Variants in DLGAP2 observed in about 807,000 individuals in gnomAD.
The protein encoded by DLGAP2 is DLG associated protein 2, also known as disks large-associated protein 2.
A neutral mutation model predicts 100.3 loss-of-function variants in DLGAP2; 26 were observed. That is an observed-to-expected ratio of 0.26 (90% confidence interval 0.19 to 0.36). The LOEUF (loss-of-function observed/expected upper bound fraction) is 0.36. Ranked by LOEUF, DLGAP2 falls within the 10% of genes least tolerant of loss-of-function variation. The pLI is 1.00. For missense variants in DLGAP2, 1,858 were observed against 1,453.2 expected (o/e 1.28, Z -4.53); for synonymous variants, 886 against 630.1 (o/e 1.41, Z -6.08).
chr8:1,116,191 G>C (rs1394907953), intron 2 of DLGAP2, among the ~76,000 whole-genome samples: 1 of 152,190 alleles, frequency 6.6e-6, no homozygotes, highest in African/African-American at 2.4e-5. Flanking sequence ...CACCCGCACT[G>C]GCCTTCCGTG....
At chr8:1,052,287 A>G (rs1175137089) in intron 2 of DLGAP2, among the ~76,000 whole-genome samples, 2 of 152,074 alleles carry the variant, frequency 1.3e-5, no homozygotes, top group Non-Finnish European at 2.9e-5. Flanking sequence ...CCTCCTTTCT[A>G]CAAACTCTGA....
chr8:1,524,011 T>G (rs557222053), intron 4 of DLGAP2, among the ~76,000 whole-genome samples: 1 of 152,302 alleles, frequency 6.6e-6, no homozygotes, highest in Non-Finnish European at 1.5e-5. Context: ...CGGCATCAGA[T>G]CAGCTGTGCT....
At chr8:1,012,235 A>G (rs1801310737) in intron 2 of DLGAP2, among the ~76,000 whole-genome samples, 1 of 152,096 alleles carries the variant, frequency 6.6e-6, no homozygotes, top group Admixed American at 6.5e-5. Context: ...GCTGACTTCC[A>G]TCTTTGACAG....
At chr8:1,475,418 A>G (rs1445258648) in intron 3 of DLGAP2, among the ~76,000 whole-genome samples, 1 of 152,212 alleles carries the variant, frequency 6.6e-6, no homozygotes, top group Non-Finnish European at 1.5e-5. Context: ...ATCCCCCTGA[A>G]GTGCCCTAGG....
At chr8:883,917 T>C (rs531906329) in intron 1 of DLGAP2, among the ~76,000 whole-genome samples, 1 of 152,238 alleles carries the variant, frequency 6.6e-6, no homozygotes, top group Non-Finnish European at 1.5e-5. Flanking sequence ...TGTGTTAGTT[T>C]GCTGAGGATA....
chr8:1,277,085 C>T (rs1397159774), intron 3 of DLGAP2, among the ~76,000 whole-genome samples: 1 of 152,158 alleles, frequency 6.6e-6, no homozygotes, highest in Non-Finnish European at 1.5e-5. Context: ...GTTGTACCTT[C>T]TGGAATATTA....
chr8:1,671,580 T>G (rs1393357563), intron 10 of DLGAP2, among the ~76,000 whole-genome samples: 1 of 152,208 alleles, frequency 6.6e-6, no homozygotes, highest in Non-Finnish European at 1.5e-5. Flanking sequence ...CACAGTGCAT[T>G]GCATGACCTT....
chr8:1,205,171 C>G (rs981796466), intron 2 of DLGAP2, among the ~76,000 whole-genome samples: 1 of 152,202 alleles, frequency 6.6e-6, no homozygotes, highest in African/African-American at 2.4e-5. Context: ...GTTTTTTCCT[C>G]TCCTAAGAGA....
chr8:1,233,886 G>A (rs1306144479), intron 2 of DLGAP2, among the ~76,000 whole-genome samples: 3 of 152,160 alleles, frequency 2.0e-5, no homozygotes, highest in Non-Finnish European at 4.4e-5. Context: ...GTGTCACACG[G>A]ATGTATATGG....
At chr8:914,403 A>G (rs544732678) in intron 2 of DLGAP2, among the ~76,000 whole-genome samples, 69 of 152,368 alleles carry the variant, frequency 4.5e-4, no homozygotes, top group African/African-American at 1.6e-3. Context: ...TAATCTGGAA[A>G]TGCCTTTATT....
At chr8:1,487,333 C>G (rs1179936311) in intron 3 of DLGAP2, among the ~76,000 whole-genome samples, 1 of 152,106 alleles carries the variant, frequency 6.6e-6, no homozygotes, top group Non-Finnish European at 1.5e-5. Flanking sequence ...CTAAGTAGTA[C>G]TGAAAGTGGG....
Position 780,826 on chromosome 8 carries a change from C to T in DLGAP2, c.18+43001C>T, listed in dbSNP as rs768024318. 2.0e-4 allele frequency among the ~76,000 whole-genome samples: 30 copies of T among 152,190 alleles called. No individual in the cohort carries two copies. In the South Asian group the frequency reaches 2.1e-3, roughly 11 times the overall value. On this transcript the variant is annotated intron_variant, in intron 1 of 14. Coordinates refer to ENST00000637795, the MANE Select transcript of DLGAP2 (RefSeq NM_001346810.2). ...GCCCTGTGGCCAGGTTTGGTCCTTC[C>T]GCCTTCCCCACACCCCCTTTTTATT...
intron 3 of DLGAP2, among the ~76,000 whole-genome samples, chr8:1,381,926 C>G (rs1796106918): frequency 6.6e-6 from 1 of 151,706 alleles, no homozygotes; most frequent in Non-Finnish European, 1.5e-5. Context: ...TGTCTGAACC[C>G]CAGCACCAAG....
intron 3 of DLGAP2, among the ~76,000 whole-genome samples, chr8:1,496,990 T>G (rs1453957953): frequency 6.6e-6 from 1 of 151,806 alleles, no homozygotes; most frequent in Non-Finnish European, 1.5e-5. Context: ...CGTTATGGAA[T>G]ATGGTTTACG....
At chr8:900,165 G>A (rs1385145833) in intron 1 of DLGAP2, among the ~76,000 whole-genome samples, 1 of 150,206 alleles carries the variant, frequency 6.7e-6, no homozygotes, top group Non-Finnish European at 1.5e-5. Flanking sequence ...TCACGGCGTC[G>A]CTCCCGGGCA....
intron 2 of DLGAP2, among the ~76,000 whole-genome samples, chr8:925,922 A>T (rs1002818597): frequency 7.9e-5 from 12 of 152,166 alleles, no homozygotes; most frequent in African/African-American, 2.4e-4. Context: ...TTCCCGCCCT[A>T]CTGAATGGGG....
At chr8:1,412,945 C>G (rs145693930) in intron 3 of DLGAP2, among the ~76,000 whole-genome samples, 4 of 152,274 alleles carry the variant, frequency 2.6e-5, no homozygotes, top group African/African-American at 9.6e-5. Flanking sequence ...CTTCAATACC[C>G]AGCTCAAGTG....
intron 6 of DLGAP2, among the ~76,000 whole-genome samples, chr8:1,567,308 G>A (rs1388691671): frequency 6.6e-6 from 1 of 152,184 alleles, no homozygotes; most frequent in African/African-American, 2.4e-5. Context: ...ACGTCTTCTG[G>A]GGAAAAGCAC....
chr8:1,182,489 T>C (rs1797411453), intron 2 of DLGAP2, among the ~76,000 whole-genome samples: 1 of 152,214 alleles, frequency 6.6e-6, no homozygotes, highest in Admixed American at 6.5e-5. Flanking sequence ...CTAACAGAAT[T>C]GTGTCACTAG....
Sources: gnomAD v4.1 joint callset for allele counts (sites outside exome capture counted in the v4.1 genomes callset) on GRCh38, gnomAD v4.1.1 for gene constraint, MANE v1.5 for transcripts, NCBI Gene and HGNC (gene_info 2026-07-23, HGNC 2026-07-21) for gene names.